The following SLC39A10 variants were observed in gnomAD, a reference collection of about 807,000 sequenced individuals.
SLC39A10 encodes the protein zinc transporter ZIP10.
In SLC39A10, 13 loss-of-function variants were observed where a neutral mutation model predicts 65.1. The observed-to-expected ratio is 0.20, with a 90% CI of 0.13 to 0.32. SLC39A10 has a LOEUF of 0.32. Among genes scored for constraint, SLC39A10 ranks in the 10% least tolerant of loss-of-function variants. The pLI, the probability that SLC39A10 is intolerant of heterozygous loss-of-function variation, is 1.00. For missense variants in SLC39A10, 831 were observed against 1,018.4 expected, an observed-to-expected ratio of 0.82 and a Z score of 2.50; for synonymous variants, 321 against 342.2, an observed-to-expected ratio of 0.94 and a Z score of 0.68.
intron 3 of SLC39A10, among the ~76,000 whole-genome samples, chr2:195,700,366 T>C (rs535115794): frequency 6.6e-6 from 1 of 152,350 alleles, no homozygotes; most frequent in South Asian, 2.1e-4. Context: ...TAAATTCCTT[T>C]TTCATTTCCT....
intron 2 of SLC39A10, among the ~76,000 whole-genome samples, chr2:195,622,845 C>T (rs1179896800): frequency 6.6e-6 from 1 of 151,838 alleles, no homozygotes; most frequent in East Asian, 1.9e-4. Flanking sequence ...TGGTGGCGGG[C>T]ACCTGTAATC....
intron 2 of SLC39A10, among the ~76,000 whole-genome samples, chr2:195,617,853 C>T (rs898214275): frequency 6.6e-6 from 1 of 151,258 alleles, no homozygotes; most frequent in Non-Finnish European, 1.5e-5. Context: ...CATTCTCCTG[C>T]CTCAGCCTCC....
intron 2 of SLC39A10, among the ~76,000 whole-genome samples, chr2:195,620,851 C>A (rs1688334573): frequency 6.6e-6 from 1 of 152,212 alleles, no homozygotes; most frequent in Non-Finnish European, 1.5e-5. Context: ...TACTGAGCAA[C>A]TAGCAGCTCA....
In SLC39A10 at chr2:195,728,032, A is replaced by C. The variant is rs888327684; in HGVS notation, c.2147-127A>C. ...TGGTTTAATAAGTAAAATATTTTAT[A>C]TATCACATAAAATACTGTTATTAAA... On this transcript the variant is annotated intron_variant, in intron 8 of 9. Coordinates refer to ENST00000359634, the MANE Select transcript of SLC39A10 (RefSeq NM_020342.3). The surrounding 1 kb of genome is among the most constrained non-coding windows in gnomAD (Gnocchi z 4.4). The C allele has an allele frequency of 2.5e-6, 2 of 812,396 alleles. No homozygotes were observed. The highest frequency in any genetic ancestry group is 3.7e-6 in the Non-Finnish European group (2 of 535,390). 50.3% of individuals were successfully genotyped at this position (812,396 alleles called of 1,614,324 possible).
At chr2:195,706,587 A>G in intron 3 of SLC39A10, 29 bp from the exon 4 acceptor site, 1 of 1,592,702 alleles carries the variant, frequency 6.3e-7, no homozygotes, top group Non-Finnish European at 8.6e-7. Flanking sequence ...TTGTTATACT[A>G]ATGTTGACTC....
intron 3 of SLC39A10, among the ~76,000 whole-genome samples, chr2:195,702,675 A>G (rs1417258306): frequency 3.3e-5 from 5 of 152,228 alleles, no homozygotes; most frequent in South Asian, 4.1e-4. Flanking sequence ...TCCTTCTTCA[A>G]TTCTTCAAAG....
intron 1 of SLC39A10, chr2:195,670,505 G>A (rs1439497888): frequency 4.6e-5 from 7 of 152,048 alleles, no homozygotes; most frequent in Admixed American, 3.9e-4. Context: ...TAAGGATCTA[G>A]TTAACCTTTC....
At chr2:195,705,278 G>C (rs554721277) in intron 3 of SLC39A10, among the ~76,000 whole-genome samples, 2 of 152,226 alleles carry the variant, frequency 1.3e-5, no homozygotes, top group Admixed American at 1.3e-4. Flanking sequence ...GGTTGTGTTT[G>C]AATCTTATTT....
chr2:195,613,127 G>A (rs931089289), intron 2 of SLC39A10, among the ~76,000 whole-genome samples: 3 of 152,034 alleles, frequency 2.0e-5, no homozygotes, highest in Non-Finnish European at 4.4e-5. Context: ...TCAAAGTTCT[G>A]TTCATAGGGA....
intron 3 of SLC39A10, among the ~76,000 whole-genome samples, chr2:195,701,841 C>T (rs1691206775): frequency 6.6e-6 from 1 of 151,648 alleles, no homozygotes; most frequent in African/African-American, 2.4e-5. Flanking sequence ...GCCACCATGC[C>T]CAGCTAGTTT....
chr2:195,702,611 A>G (rs988474995), intron 3 of SLC39A10, among the ~76,000 whole-genome samples: 1 of 152,224 alleles, frequency 6.6e-6, no homozygotes, highest in African/African-American at 2.4e-5. Context: ...ATGTTTAAGT[A>G]TACAGTTCAT....
At chr2:195,689,403 C>A (rs759247857) in intron 3 of SLC39A10, among the ~76,000 whole-genome samples, 1 of 151,606 alleles carries the variant, frequency 6.6e-6, no homozygotes, top group Admixed American at 6.6e-5. Context: ...ACCTGGATAA[C>A]GAAGTGAGAA....
rs771778401 is a variant in SLC39A10 at position 195,680,250 on chromosome 2, C to T, written c.208C>T (p.Arg70Cys). 16 of 1,613,476 alleles carry T rather than the reference C, an allele frequency of 9.9e-6. No individual in the cohort carries two copies. The highest frequency in any genetic ancestry group is 2.2e-5 in the East Asian group (1 of 44,888). The change falls in exon 2 of 10, where the codon CGT (arginine) becomes TGT (cysteine). Residue 70 changes from arginine (R) to cysteine (C), a missense_variant. Around this residue, in one of 4 missense-constraint regions of SLC39A10, gnomAD observed 446 missense variants for 499.2 expected, o/e 0.89. Transcript: ENST00000359634. ...KKYYIEKLFE[R>C]YGENGRLSFF... ...ATACTATATTGAAAAACTTTTTGAG[C>T]GTTATGGTGAAAATGGAAGATTATC... is the stretch of plus-strand genomic sequence containing the variant.
At position 195,736,679 on chromosome 2, in the gene SLC39A10, T is replaced by TTTAA. The variant is rs1430043627; in HGVS notation, c.*1641_*1644dup. Reference sequence around the variant, plus strand: ...AGCAAGGGAGCTTAGGTGTTATTTCTTTAATTTATGCTTGAATCTGAAAAA... The same window carrying TTTAA: ...AGCAAGGGAGCTTAGGTGTTATTTCTTTAATTAATTTATGCTTGAATCTGAAAAA... On this transcript the variant is annotated 3_prime_UTR_variant, in exon 10 of 10. Coordinates refer to ENST00000359634, the MANE Select transcript of SLC39A10 (RefSeq NM_020342.3). 1.3e-5 allele frequency: 2 copies of TTTAA among 152,236 alleles called. No homozygotes were observed. Among genetic ancestry groups the TTTAA allele is most frequent in the Admixed American group, 6.5e-5 (1 of 15,278 alleles). 9.4% of individuals were successfully genotyped at this position (152,236 alleles called of 1,614,324 possible). A position where few individuals can be genotyped will look rare whatever the true frequency, so the allele number is the denominator to read the frequency against.
chr2:195,679,310 A>G (rs533234179), intron 1 of SLC39A10, among the ~76,000 whole-genome samples: 3 of 152,190 alleles, frequency 2.0e-5, no homozygotes, highest in Non-Finnish European at 4.4e-5. Context: ...CTAATTGACC[A>G]AGCACCAAGG....
At chr2:195,699,952 G>A (rs1012680105) in intron 3 of SLC39A10, among the ~76,000 whole-genome samples, 4 of 152,056 alleles carry the variant, frequency 2.6e-5, no homozygotes, top group African/African-American at 7.2e-5. Flanking sequence ...GTACATAAAC[G>A]TTTATAATTG....
At chr2:195,646,303 C>A (rs189192708) in intron 2 of SLC39A10, among the ~76,000 whole-genome samples, 140 of 152,276 alleles carry the variant, frequency 9.2e-4, no homozygotes, top group African/African-American at 3.1e-3. Context: ...CCCAGCAATT[C>A]TATCTTCTTG....
intron 2 of SLC39A10, among the ~76,000 whole-genome samples, chr2:195,682,023 A>G (rs888317260): frequency 1.3e-5 from 2 of 152,182 alleles, no homozygotes; most frequent in Non-Finnish European, 2.9e-5. Context: ...AGGTATAATA[A>G]TAAGAAACTA....
chr2:195,717,002 A>G lies in SLC39A10; in HGVS notation c.2062A>G (p.Ile688Val). 2 of 1,612,846 alleles carry G rather than the reference A, an allele frequency of 1.2e-6. No homozygotes were observed. Among genetic ancestry groups the G allele is most frequent in the Non-Finnish European group, 1.7e-6 (2 of 1,179,254 alleles). ...CCACAACTTCAGTGATGGGCTCGCA[A>G]TTGGTAAGTGGACTGGAAACCACTG... ...GIHNFSDGLAIGAAFSAGLTG... is the reference protein window; with the variant it reads ...GIHNFSDGLAVGAAFSAGLTG... The change falls in exon 7 of 10, where the codon ATT becomes GTT. Residue 688 changes from isoleucine (I) to valine (V), a missense_variant. Ile to Val is a conservative substitution (Grantham distance 29). This residue lies in a region of SLC39A10 where 120 missense variants were observed against 203.9 expected (regional missense o/e 0.59). Coordinates refer to ENST00000359634, the MANE Select transcript of SLC39A10 (RefSeq NM_020342.3).
Sources: allele counts gnomAD v4.1 joint callset (sites outside exome capture counted in the v4.1 genomes callset), GRCh38; gene constraint gnomAD v4.1.1; regional missense constraint gnomAD v4.1.1; non-coding constraint Gnocchi (gnomAD v3.1); transcripts MANE v1.5; gene names NCBI Gene and HGNC (gene_info 2026-07-23, HGNC 2026-07-21).